SHC3: variants seen among roughly 807,000 people sequenced by gnomAD.
SHC3 encodes the protein SHC adaptor protein 3.
A neutral mutation model predicts 60.4 loss-of-function variants in SHC3; 15 were observed. The observed-to-expected ratio is 0.25, with a 90% CI of 0.17 to 0.38. The LOEUF (loss-of-function observed/expected upper bound fraction) is 0.38, where lower values mean the gene tolerates loss of function less well. Among genes scored for constraint, SHC3 ranks in the 10% least tolerant of loss-of-function variants. SHC3 has a pLI of 1.00. For missense variants in SHC3, 677 were observed against 786.1 expected (o/e 0.86, Z 1.66); for synonymous variants, 294 against 325.9 (o/e 0.90, Z 1.05).
intron 1 of SHC3, among the ~76,000 whole-genome samples, chr9:89,173,881 C>T (rs1826905576): frequency 6.6e-6 from 1 of 152,000 alleles, no homozygotes; most frequent in South Asian, 2.1e-4. Flanking sequence ...TTTTTCAAAC[C>T]ATTTAGATAT....
chr9:89,043,019 G>T (rs1460766483), intron 9 of SHC3, among the ~76,000 whole-genome samples: 1 of 152,156 alleles, frequency 6.6e-6, no homozygotes, highest in Non-Finnish European at 1.5e-5. Flanking sequence ...TTGTGTGTGC[G>T]CCCTGTCTCC....
chr9:89,131,867 C>T (rs577474708), intron 1 of SHC3, among the ~76,000 whole-genome samples: 204 of 152,266 alleles, frequency 1.3e-3, no homozygotes, highest in African/African-American at 4.7e-3. Context: ...GATGCCCTCT[C>T]TCACCACTCC....
chr9:89,115,445 G>A (rs905840499), intron 1 of SHC3, among the ~76,000 whole-genome samples: 5 of 152,162 alleles, frequency 3.3e-5, no homozygotes, highest in African/African-American at 9.6e-5. Flanking sequence ...TACCACAACC[G>A]CCAATGCTGC....
At chr9:89,014,232 A>G (rs1826058627) in intron 11 of SHC3, among the ~76,000 whole-genome samples, 1 of 152,096 alleles carries the variant, frequency 6.6e-6, no homozygotes, top group African/African-American at 2.4e-5. Context: ...ATAAACTTTT[A>G]ATGCCATGTC....
intron 2 of SHC3, chr9:89,109,305 G>T: frequency 2.5e-6 from 2 of 785,028 alleles, no homozygotes; most frequent in South Asian, 5.8e-5. Context: ...CCCTCCTCCG[G>T]TCATGGTGCC....
At chr9:89,106,786 G>A (rs1377911306) in intron 2 of SHC3, among the ~76,000 whole-genome samples, 1 of 152,150 alleles carries the variant, frequency 6.6e-6, no homozygotes, top group African/African-American at 2.4e-5. Flanking sequence ...CCAAGAAAAC[G>A]GCTTGTGGGT....
intron 2 of SHC3, among the ~76,000 whole-genome samples, chr9:89,101,715 A>G (rs967293189): frequency 6.6e-6 from 1 of 151,580 alleles, no homozygotes; most frequent in Non-Finnish European, 1.5e-5. Context: ...GGTATAATGC[A>G]TTATTTTCTT....
At chr9:89,118,153 C>T (rs1564157413) in intron 1 of SHC3, among the ~76,000 whole-genome samples, 2 of 149,622 alleles carry the variant, frequency 1.3e-5, no homozygotes, top group East Asian at 1.9e-4. Context: ...TTCCAAGGCA[C>T]TTTTTTTTTA....
At chr9:89,076,779 A>G (rs191113750) in intron 3 of SHC3, among the ~76,000 whole-genome samples, 1 of 152,284 alleles carries the variant, frequency 6.6e-6, no homozygotes, top group Admixed American at 6.5e-5. Flanking sequence ...AGCTGATGGG[A>G]GCCAATTATT....
At chr9:89,036,966 A>AC (rs1299000134) in intron 11 of SHC3, among the ~76,000 whole-genome samples, 1 of 151,432 alleles carries the variant, frequency 6.6e-6, no homozygotes, top group Non-Finnish European at 1.5e-5. Context: ...TATATGTTAA[A>AC]AAAAAAAAAA....
intron 2 of SHC3, among the ~76,000 whole-genome samples, chr9:89,083,830 C>G (rs545217236): frequency 9.1e-4 from 139 of 152,250 alleles, no homozygotes; most frequent in African/African-American, 3.2e-3. Flanking sequence ...TGTCTGAGAG[C>G]TGGATTTGCA....
chr9:89,058,425 T>G (rs1587701517), intron 6 of SHC3, among the ~76,000 whole-genome samples: 1 of 133,774 alleles, frequency 7.5e-6, no homozygotes, highest in African/African-American at 2.9e-5. Flanking sequence ...GTATAGGATG[T>G]GGTGGAGGAT....
At chr9:89,092,742 GTGTGTGTGTGTGTGTGTGTA>G (rs1825643610) in intron 2 of SHC3, among the ~76,000 whole-genome samples, 1 of 129,682 alleles carries the variant, frequency 7.7e-6, no homozygotes, top group Non-Finnish European at 1.7e-5. Context: ...GAAGGAAGGT[GTGTGTGTGTGTGTGTGTGTA>G]TGTGTGTGTG....
intron 1 of SHC3, among the ~76,000 whole-genome samples, chr9:89,124,622 G>A (rs1826137499): frequency 6.6e-6 from 1 of 152,120 alleles, no homozygotes; most frequent in African/African-American, 2.4e-5. Flanking sequence ...TCACTCATAA[G>A]TGGGAGTTGA....
At chr9:89,136,580 T>C (rs908035212) in intron 1 of SHC3, among the ~76,000 whole-genome samples, 1 of 152,138 alleles carries the variant, frequency 6.6e-6, no homozygotes, top group African/African-American at 2.4e-5. Context: ...TGTCCACCCC[T>C]TTCCCAGAAA....
rs560676764 is a variant in SHC3, at chr9:89,156,678, T to C, written c.474+21309A>G. ...GTCCCTGAGTTGTTTTCCAGAAACC[T>C]AGACCCCACCAAATGGAGCCACTGG... is the stretch of plus-strand genomic sequence containing the variant. On this transcript the variant is annotated intron_variant, in intron 1 of 11. Transcript: ENST00000375835. 3.3e-5 allele frequency among the ~76,000 whole-genome samples: 5 copies of C among 152,282 alleles called. No homozygotes were observed. The East Asian group carries it at 9.7e-4, about 29-fold the overall frequency.
intron 6 of SHC3, among the ~76,000 whole-genome samples, chr9:89,060,773 G>A (rs918418948): frequency 6.6e-6 from 1 of 152,072 alleles, no homozygotes; most frequent in Non-Finnish European, 1.5e-5. Context: ...GGAAGAGCGG[G>A]CACAGAGTGA....
At chr9:89,131,588 G>A (rs376583715) in intron 1 of SHC3, among the ~76,000 whole-genome samples, 4 of 152,168 alleles carry the variant, frequency 2.6e-5, no homozygotes, top group Admixed American at 1.3e-4. Flanking sequence ...TCCCCAGGAC[G>A]CAAGGCTGGT....
intron 1 of SHC3, among the ~76,000 whole-genome samples, chr9:89,143,454 ATCC>A (rs1826424088): frequency 6.6e-6 from 1 of 152,108 alleles, no homozygotes; most frequent in Non-Finnish European, 1.5e-5. Context: ...CCATCTGGGA[ATCC>A]AGCCCAGCAG....
Sources: allele counts gnomAD v4.1 joint callset (sites outside exome capture counted in the v4.1 genomes callset), GRCh38; gene constraint gnomAD v4.1.1; transcripts MANE v1.5; gene names NCBI Gene and HGNC (gene_info 2026-07-23, HGNC 2026-07-21).